Variants in KAZN observed in about 807,000 individuals in gnomAD.
The protein encoded by KAZN is kazrin, periplakin interacting protein, also known as kazrin.
In KAZN, 40 loss-of-function variants were observed where a neutral mutation model predicts 87.4. That is an observed-to-expected ratio of 0.46 (90% CI 0.36 to 0.60). The LOEUF (loss-of-function observed/expected upper bound fraction) is 0.60. KAZN is among the 20% of genes least tolerant of loss of function. The pLI, the probability that KAZN is intolerant of heterozygous loss-of-function variation, is 0.00. For missense variants in KAZN, 898 were observed against 1,073.9 expected, an observed-to-expected ratio of 0.84 and a Z score of 2.29; for synonymous variants, 466 against 458.3, an observed-to-expected ratio of 1.02 and a Z score of -0.22.
At chr1:14,781,681 C>G (rs1478303776) in intron 1 of KAZN, among the ~76,000 whole-genome samples, 1 of 152,098 alleles carries the variant, frequency 6.6e-6, no homozygotes, top group African/African-American at 2.4e-5. Flanking sequence ...CCTTTAAAAC[C>G]CATCAAGAGG....
intron 2 of KAZN, among the ~76,000 whole-genome samples, chr1:15,008,173 C>T (rs951978531): frequency 2.0e-5 from 3 of 152,204 alleles, no homozygotes; most frequent in Admixed American, 6.5e-5. Context: ...TCCATGAGCC[C>T]AGCGCTTGGG....
At chr1:14,646,972 A>C (rs1200287809) in intron 1 of KAZN, among the ~76,000 whole-genome samples, 1 of 152,162 alleles carries the variant, frequency 6.6e-6, no homozygotes, top group East Asian at 1.9e-4. Context: ...GGATGGGGGA[A>C]GCCCTTACCT....
intron 2 of KAZN, among the ~76,000 whole-genome samples, chr1:14,370,451 C>A (rs970851574): frequency 6.6e-6 from 1 of 152,198 alleles, no homozygotes; most frequent in Non-Finnish European, 1.5e-5. Context: ...TCCCTTCCCC[C>A]AAGGAACCTC....
chr1:15,054,100 G>T (rs575075247), intron 4 of KAZN, among the ~76,000 whole-genome samples: 1 of 152,278 alleles, frequency 6.6e-6, no homozygotes, highest in Admixed American at 6.5e-5. Flanking sequence ...CTGTTTCTTG[G>T]TGGGACCCTT....
chr1:14,056,776 C>CT (rs1375320570), intron 1 of KAZN, among the ~76,000 whole-genome samples: 2 of 152,104 alleles, frequency 1.3e-5, no homozygotes, highest in African/African-American at 2.4e-5. Context: ...TGGAAATGGC[C>CT]TTTTTTTAGA....
intron 2 of KAZN, among the ~76,000 whole-genome samples, chr1:14,332,519 C>G (rs1385970174): frequency 6.6e-6 from 1 of 152,184 alleles, no homozygotes; most frequent in Admixed American, 6.5e-5. Context: ...GGTTCTTTTG[C>G]TACTCACCAT....
intron 1 of KAZN, among the ~76,000 whole-genome samples, chr1:14,835,727 C>G (rs1227465581): frequency 2.6e-5 from 4 of 152,114 alleles, no homozygotes; most frequent in Admixed American, 1.3e-4. Context: ...CCTTTTGTCC[C>G]TGTAACACCA....
At chr1:14,341,990 C>T (rs1176057016) in intron 2 of KAZN, among the ~76,000 whole-genome samples, 1 of 152,132 alleles carries the variant, frequency 6.6e-6, no homozygotes, top group Non-Finnish European at 1.5e-5. Context: ...CCACCCACTA[C>T]CCTTCAATCG....
chr1:14,469,531 G>A (rs535995144), intron 2 of KAZN, among the ~76,000 whole-genome samples: 13 of 152,158 alleles, frequency 8.5e-5, no homozygotes, highest in African/African-American at 3.1e-4. Flanking sequence ...AGAAAATTGG[G>A]CAGTTTATCA....
At chr1:14,523,849 G>C (rs928651613) in intron 2 of KAZN, among the ~76,000 whole-genome samples, 15 of 152,330 alleles carry the variant, frequency 9.8e-5, no homozygotes, top group African/African-American at 3.4e-4. Context: ...GTTGAGGAAG[G>C]GGCTCAAGGG....
At chr1:14,885,203 A>G (rs1225220710) in intron 1 of KAZN, among the ~76,000 whole-genome samples, 4 of 152,164 alleles carry the variant, frequency 2.6e-5, no homozygotes, top group Non-Finnish European at 5.9e-5. Flanking sequence ...TCTTGCTTGT[A>G]TTAACCAGGA....
chr1:14,792,717 C>CGCAATGG (rs1645713392), intron 1 of KAZN, among the ~76,000 whole-genome samples: 1 of 152,182 alleles, frequency 6.6e-6, no homozygotes, highest in Admixed American at 6.5e-5. Flanking sequence ...ATGGCTCATG[C>CGCAATGG]CTGTAATCCC....
At chr1:14,681,423 C>T (rs941257686) in intron 1 of KAZN, among the ~76,000 whole-genome samples, 8 of 151,494 alleles carry the variant, frequency 5.3e-5, no homozygotes, top group South Asian at 2.1e-4. Context: ...GTGGGTGACT[C>T]ATTGCAGCCA....
intron 2 of KAZN, among the ~76,000 whole-genome samples, chr1:14,966,260 G>T (rs752088963): frequency 5.9e-5 from 9 of 152,034 alleles, no homozygotes; most frequent in African/African-American, 1.9e-4. Flanking sequence ...GATTACAGGC[G>T]TGAGACACCT....
chr1:14,316,332 G>C (rs1437590278), intron 2 of KAZN, among the ~76,000 whole-genome samples: 1 of 151,788 alleles, frequency 6.6e-6, no homozygotes, highest in Admixed American at 6.6e-5. Context: ...CAATTATATT[G>C]TTAAATTTAT....
At chr1:14,246,134 G>A (rs767725522) in intron 2 of KAZN, among the ~76,000 whole-genome samples, 4 of 152,160 alleles carry the variant, frequency 2.6e-5, no homozygotes, top group Non-Finnish European at 5.9e-5. Context: ...GAGAACATAT[G>A]GACACAGGGA....
intron 1 of KAZN, among the ~76,000 whole-genome samples, chr1:13,944,767 T>A (rs1641071611): frequency 6.6e-6 from 1 of 151,996 alleles, no homozygotes; most frequent in African/African-American, 2.4e-5. Context: ...ATAATTGTAA[T>A]TAAAATACTT....
At chr1:15,052,695 G>A (rs1022159125) in intron 4 of KAZN, among the ~76,000 whole-genome samples, 2 of 152,158 alleles carry the variant, frequency 1.3e-5, no homozygotes, top group Non-Finnish European at 2.9e-5. Flanking sequence ...GTCATCTGCA[G>A]TTCCTCTCCA....
At position 15,094,334 on chromosome 1, in the gene KAZN, G is replaced by A. The variant is rs1326105810; in HGVS notation, c.1377G>A (p.Met459Ile). The change falls in exon 9 of 15, where the codon ATG becomes ATA. Residue 459 changes from methionine to isoleucine, a missense_variant. Met to Ile is a conservative substitution (Grantham distance 10). Coordinates refer to ENST00000376030, the MANE Select transcript of KAZN (RefSeq NM_201628.3). This position sits in a 1 kb window ranked among gnomAD's most constrained non-coding sequence, Gnocchi z 4.5. ...TCCAGGCCTGGCTGGAGGTGGTGAT[G>A]GCCATGCCTATGTACGTCAAGGCCT... ...GTVQAWLEVV[M>I]AMPMYVKACT... The A allele has an allele frequency of 1.2e-6, 2 of 1,613,806 alleles. No individual in the cohort carries two copies. Among genetic ancestry groups the A allele is most frequent in the East Asian group, 2.2e-5 (1 of 44,886 alleles).
Sources: allele counts gnomAD v4.1 joint callset (sites outside exome capture counted in the v4.1 genomes callset), GRCh38; gene constraint gnomAD v4.1.1; non-coding constraint Gnocchi (gnomAD v3.1); transcripts MANE v1.5; gene names NCBI Gene and HGNC (gene_info 2026-07-23, HGNC 2026-07-21).